Variants in MARCHF2 observed in about 807,000 individuals in gnomAD.
MARCHF2 encodes the protein membrane associated ring-CH-type finger 2, also known as E3 ubiquitin-protein ligase MARCHF2.
In MARCHF2, 22 loss-of-function variants were observed where a neutral mutation model predicts 24.0. The observed-to-expected ratio is 0.92, with a 90% CI of 0.66 to 1.31. The LOEUF is 1.31. Among genes scored for constraint, MARCHF2 ranks in the 50% most tolerant of loss-of-function variants. The probability of loss-of-function intolerance (pLI) is 0.00; values close to 1 mark genes in which losing one functional copy is unlikely to be tolerated. For synonymous variants in MARCHF2, 154 were observed against 153.0 expected (o/e 1.01, Z -0.05); for missense variants, 301 against 335.3 (o/e 0.90, Z 0.80).
At chr19:8,436,407 A>G (rs1475921973) in intron 4 of MARCHF2, among the ~76,000 whole-genome samples, 2 of 152,036 alleles carry the variant, frequency 1.3e-5, no homozygotes, top group Non-Finnish European at 2.9e-5. Context: ...GGCTAGGATT[A>G]CAGGTGTGAG....
intron 1 of MARCHF2, among the ~76,000 whole-genome samples, chr19:8,417,060 G>T (rs1005694016): frequency 1.2e-4 from 17 of 146,836 alleles, no homozygotes; most frequent in South Asian, 6.5e-4. Context: ...TTTACCTGTG[G>T]TTTTTTTTTT....
At chr19:8,420,535 CAAA>C (rs767779814) in intron 1 of MARCHF2, among the ~76,000 whole-genome samples, 10 of 66,774 alleles carry the variant, frequency 1.5e-4, no homozygotes, top group Non-Finnish European at 1.7e-4. Flanking sequence ...AACTCTGTCT[CAAA>C]AAAAAAAAAA....
intron 4 of MARCHF2, among the ~76,000 whole-genome samples, chr19:8,433,079 C>T (rs1372211447): frequency 2.6e-5 from 4 of 151,630 alleles, no homozygotes; most frequent in Non-Finnish European, 5.9e-5. Context: ...GTTTGTCGGC[C>T]GTGGTGGTGC....
At chr19:8,424,156 T>A (rs1282541250) in intron 2 of MARCHF2, among the ~76,000 whole-genome samples, 1 of 152,122 alleles carries the variant, frequency 6.6e-6, no homozygotes, top group Non-Finnish European at 1.5e-5. Context: ...GCCCCCTGCC[T>A]CCTGAGCTGC....
At chr19:8,429,865 G>A (rs1967530518) in intron 3 of MARCHF2, among the ~76,000 whole-genome samples, 1 of 147,696 alleles carries the variant, frequency 6.8e-6, no homozygotes, top group African/African-American at 2.5e-5. Flanking sequence ...GGAAGGCCAA[G>A]CGTAGTAGAT....
chr19:8,433,311 G>T (rs1395772298), intron 4 of MARCHF2, among the ~76,000 whole-genome samples: 21 of 152,070 alleles, frequency 1.4e-4, no homozygotes, highest in Non-Finnish European at 3.1e-4. Context: ...GGGAGGCTGA[G>T]GGGGGCATAT....
Position 8,417,933 on chromosome 19 carries a change from T to C in MARCHF2, c.-52-3856T>C, listed in dbSNP as rs927516448. ...ATGCGCCAACATGCCTGGCTAATTT[T>C]TTTGTATTTTTAGTAGACACGGGGT... On this transcript the variant is annotated intron_variant, in intron 1 of 4. Coordinates refer to ENST00000215555, the MANE Select transcript of MARCHF2 (RefSeq NM_001005415.2). Among the ~76,000 whole-genome samples the C allele has an allele frequency of 2.5e-4, 37 of 150,798 alleles. No individual in the cohort carries two copies. In the Middle Eastern group the frequency reaches 0.01, roughly 42 times the overall value.
intron 1 of MARCHF2, among the ~76,000 whole-genome samples, chr19:8,415,747 A>AAAAAAAAAAC (rs1967070075): frequency 1.4e-5 from 2 of 143,374 alleles, no homozygotes; most frequent in Non-Finnish European, 1.6e-5. Context: ...AAAAAAACAA[A>AAAAAAAAAAC]AAAAAAAACC....
intron 3 of MARCHF2, among the ~76,000 whole-genome samples, chr19:8,428,122 T>C (rs1177192297): frequency 6.6e-6 from 1 of 152,084 alleles, no homozygotes; most frequent in Non-Finnish European, 1.5e-5. Flanking sequence ...TAGCCGGGCG[T>C]GGTTGCAGGT....
At chr19:8,424,043 C>T (rs1045788153) in intron 2 of MARCHF2, among the ~76,000 whole-genome samples, 4 of 150,750 alleles carry the variant, frequency 2.7e-5, no homozygotes, top group African/African-American at 9.8e-5. Flanking sequence ...AGGAAATTGG[C>T]GTTGTCTGGA....
intron 4 of MARCHF2, among the ~76,000 whole-genome samples, chr19:8,435,615 T>C (rs1967694391): frequency 6.6e-6 from 1 of 152,154 alleles, no homozygotes; most frequent in South Asian, 2.1e-4. Flanking sequence ...CTCCGCTCAC[T>C]GCAACCTCTA....
At chr19:8,418,910 C>T (rs1188516581) in intron 1 of MARCHF2, 2 of 152,106 alleles carry the variant, frequency 1.3e-5, no homozygotes, top group Admixed American at 6.6e-5. Context: ...TTGATTGCCT[C>T]TCTTGCTTGG....
intron 1 of MARCHF2, among the ~76,000 whole-genome samples, chr19:8,415,980 C>T (rs1013492466): frequency 1.1e-4 from 17 of 151,962 alleles, no homozygotes; most frequent in African/African-American, 4.1e-4. Flanking sequence ...AGGGGCTGGC[C>T]GACCAGGATC....
rs770136392 is a variant in MARCHF2 at position 8,421,845 on chromosome 19, C to T, written c.5C>T (p.Thr2Met). 63 of 1,606,722 alleles carry T rather than the reference C, an allele frequency of 3.9e-5. 1 individual carries two copies. In the Admixed American group the frequency reaches 6.8e-4, roughly 17 times the overall value. Residue 2 changes from threonine to methionine, a missense_variant, in exon 2 of 5, where the codon ACG becomes ATG. By Grantham distance (81) the Thr-to-Met change is moderately conservative. Transcript: ENST00000215555. ...GATACGGGGCTCCCGGTGGCCATGA[C>T]GACGGGTGACTGCTGCCACCTCCCC... MTTGDCCHLPGS... is the reference protein window; with the variant it reads MMTGDCCHLPGS...
intron 1 of MARCHF2, chr19:8,418,799 G>A (rs1967150131): frequency 6.6e-6 from 1 of 150,972 alleles, no homozygotes; most frequent in Non-Finnish European, 1.5e-5. Context: ...CAAAGCGCTG[G>A]GATTACAGGT....
At chr19:8,426,881 G>A (rs1367626885) in intron 3 of MARCHF2, 77 bp downstream of exon 3, 12 of 1,357,962 alleles carry the variant, frequency 8.8e-6, no homozygotes, top group East Asian at 7.2e-5. Context: ...GAGCTGCCCC[G>A]GGCAATCTGG....
At position 8,426,680 on chromosome 19, in the gene MARCHF2, C is replaced by CCGGCA; in HGVS notation, c.251_255dup (p.Leu86AlafsTer43). The CCGGCA allele has an allele frequency of 6.2e-7, 1 of 1,613,976 alleles. No homozygotes were observed. Among genetic ancestry groups the CCGGCA allele is most frequent in the Non-Finnish European group, 8.5e-7 (1 of 1,180,026 alleles). On this transcript the variant is annotated frameshift_variant, in exon 3 of 5. Coordinates refer to ENST00000215555, the MANE Select transcript of MARCHF2 (RefSeq NM_001005415.2). LOFTEE classifies it high-confidence loss of function. The stretch of plus-strand genomic sequence containing the variant: ...TGCTTGCTGTCCCCGTGTGGCTGCA[C>CCGGCA]CGGCACGCTGGGTGCCGTGCATAAG...
intron 1 of MARCHF2, 118 bp downstream of exon 1, chr19:8,413,538 T>C (rs1967005239): frequency 6.6e-6 from 1 of 152,022 alleles, no homozygotes; most frequent in South Asian, 2.1e-4. Flanking sequence ...GGCCACAGCC[T>C]TCTCGGGGAC....
At chr19:8,434,486 C>T (rs940376204) in intron 4 of MARCHF2, among the ~76,000 whole-genome samples, 5 of 151,594 alleles carry the variant, frequency 3.3e-5, no homozygotes, top group African/African-American at 1.2e-4. Context: ...AAAAAAAACC[C>T]ACACACACAA....
Sources: allele counts gnomAD v4.1 joint callset (sites outside exome capture counted in the v4.1 genomes callset), GRCh38; gene constraint gnomAD v4.1.1; transcripts MANE v1.5; gene names NCBI Gene and HGNC (gene_info 2026-07-23, HGNC 2026-07-21).